Variants in COL21A1 observed in about 807,000 individuals in gnomAD.
The protein encoded by COL21A1 is collagen alpha-1(XXI) chain.
COL21A1 carries 149 observed loss-of-function variants against 137.9 expected under a neutral mutation model. That is an observed-to-expected ratio of 1.08 (90% CI 0.95 to 1.24). The LOEUF is 1.24. COL21A1 is among the 50% of genes most tolerant of loss of function. The pLI is 0.00. For missense variants in COL21A1, 1,167 were observed against 1,158.4 expected, an observed-to-expected ratio of 1.01 and a Z score of -0.11; for synonymous variants, 456 against 391.5, an observed-to-expected ratio of 1.16 and a Z score of -1.95.
intron 1 of COL21A1, among the ~76,000 whole-genome samples, chr6:56,204,625 G>A (rs1779637554): frequency 6.6e-6 from 1 of 152,130 alleles, no homozygotes; most frequent in Non-Finnish European, 1.5e-5. Flanking sequence ...CAGTGTACAA[G>A]CTCTGCTAAG....
At chr6:56,079,324 G>A (rs1767535548) in intron 17 of COL21A1, among the ~76,000 whole-genome samples, 1 of 151,734 alleles carries the variant, frequency 6.6e-6, no homozygotes. Flanking sequence ...ACCGATGACA[G>A]TGTCAGACCT....
At chr6:56,341,239 G>A (rs996372796) in intron 1 of COL21A1, among the ~76,000 whole-genome samples, 4 of 152,188 alleles carry the variant, frequency 2.6e-5, no homozygotes, top group East Asian at 1.9e-4. Flanking sequence ...TAATACATTT[G>A]TGGGAAACAG....
At chr6:56,356,193 G>A (rs1466213774) in intron 1 of COL21A1, among the ~76,000 whole-genome samples, 1 of 152,182 alleles carries the variant, frequency 6.6e-6, no homozygotes, top group Admixed American at 6.6e-5. Context: ...TAGGATGCCA[G>A]GCAGCTCATG....
intron 1 of COL21A1, among the ~76,000 whole-genome samples, chr6:56,328,093 T>C (rs1765137451): frequency 1.3e-5 from 2 of 152,090 alleles, no homozygotes; most frequent in Admixed American, 1.3e-4. Context: ...GGGCTCACAA[T>C]TTACCCTTAA....
intron 6 of COL21A1, 73 bp downstream of exon 6, chr6:56,168,051 G>A: frequency 9.8e-7 from 1 of 1,016,386 alleles, no homozygotes; most frequent in Admixed American, 3.1e-5. Flanking sequence ...GATTAAATGT[G>A]GTGAAAACTA....
rs1168595976 is a variant in COL21A1 at position 56,276,430 on chromosome 6, TA to T, written c.-38-93775del. On this transcript the variant is annotated intron_variant, in intron 1 of 28. Transcript: ENST00000370819. ...GTTTCCTGTTTTGATCTTTTTTTTT[TA>T]AAGTCAACAAAAGTCTTTCTTTCTA... 1.7e-5 allele frequency: 10 copies of T among 575,818 alleles called. 1 individual carries two copies. The highest frequency in any genetic ancestry group is 3.4e-5 in the Admixed American group (1 of 29,508). 35.7% of individuals were successfully genotyped at this position (575,818 alleles called of 1,614,324 possible). A position where few individuals can be genotyped will look rare whatever the true frequency, so the allele number is the denominator to read the frequency against.
intron 1 of COL21A1, among the ~76,000 whole-genome samples, chr6:56,316,813 T>C (rs1233822380): frequency 6.6e-6 from 1 of 152,074 alleles, no homozygotes; most frequent in East Asian, 1.9e-4. Flanking sequence ...AAAAAGGAAA[T>C]ATAGTTTTAT....
intron 17 of COL21A1, among the ~76,000 whole-genome samples, chr6:56,085,048 G>C (rs1768109302): frequency 6.6e-6 from 1 of 152,050 alleles, no homozygotes; most frequent in Admixed American, 6.6e-5. Context: ...TCACAGGAGA[G>C]CTAGGAATTC....
chr6:56,238,420 G>T (rs1252273853), intron 1 of COL21A1, among the ~76,000 whole-genome samples: 2 of 145,892 alleles, frequency 1.4e-5, no homozygotes, highest in Non-Finnish European at 3.0e-5. Flanking sequence ...GAAACTCGGG[G>T]CAGTCTTCTT....
At chr6:56,200,528 C>A (rs1779315248) in intron 1 of COL21A1, among the ~76,000 whole-genome samples, 2 of 144,168 alleles carry the variant, frequency 1.4e-5, no homozygotes, top group South Asian at 4.4e-4. Context: ...TGTTCAATTC[C>A]CACCTATGAG....
chr6:56,264,445 C>G (rs914369894), intron 1 of COL21A1, among the ~76,000 whole-genome samples: 4 of 152,132 alleles, frequency 2.6e-5, no homozygotes, highest in African/African-American at 4.8e-5. Context: ...GATGTTTATT[C>G]CTATCTACCC....
chr6:56,134,983 T>C (rs1329381075), intron 12 of COL21A1, among the ~76,000 whole-genome samples: 1 of 152,044 alleles, frequency 6.6e-6, no homozygotes, highest in Non-Finnish European at 1.5e-5. Flanking sequence ...CTAATACAAA[T>C]GCTTACCTAA....
rs547141947 is a variant in COL21A1, at chr6:56,320,627, C to T, written c.-39+73344G>A. Among the ~76,000 whole-genome samples, 3 of 152,170 alleles carry T rather than the reference C, an allele frequency of 2.0e-5. No individual in the cohort carries two copies. The East Asian group carries it at 5.8e-4, about 29-fold the overall frequency. Reference sequence around the variant, plus strand: ...GCCTTCTTGCTAATTCTCCAACTCACCAATCAGGGTCTGCCTAATAATTTC... The same window carrying T: ...GCCTTCTTGCTAATTCTCCAACTCATCAATCAGGGTCTGCCTAATAATTTC... On this transcript the variant is annotated intron_variant, in intron 1 of 28. Transcript: ENST00000370819.
chr6:56,262,040 A>G (rs1334790629), intron 1 of COL21A1, among the ~76,000 whole-genome samples: 1 of 152,234 alleles, frequency 6.6e-6, no homozygotes, highest in East Asian at 1.9e-4. Context: ...CAAAACTCAT[A>G]TATAAATAAC....
chr6:56,347,317 C>T (rs980152478), intron 1 of COL21A1, among the ~76,000 whole-genome samples: 2 of 152,002 alleles, frequency 1.3e-5, no homozygotes, highest in Admixed American at 1.3e-4. Context: ...TCCTACTGGC[C>T]CTTTCCCACC....
intron 3 of COL21A1, among the ~76,000 whole-genome samples, chr6:56,175,035 G>A (rs1323295451): frequency 6.6e-6 from 1 of 151,878 alleles, no homozygotes; most frequent in Non-Finnish European, 1.5e-5. Context: ...ACAGAATGAA[G>A]GAAAAGATAA....
intron 25 of COL21A1, 123 bp from the exon 26 acceptor site, chr6:56,061,160 G>GGA: frequency 1.3e-6 from 1 of 772,184 alleles, no homozygotes; most frequent in Non-Finnish European, 2.0e-6. Context: ...AGGTATGTAA[G>GGA]GAATAGCCGG....
chr6:56,131,743 G>C (rs1403898241), intron 12 of COL21A1, among the ~76,000 whole-genome samples: 1 of 151,986 alleles, frequency 6.6e-6, no homozygotes, highest in Non-Finnish European at 1.5e-5. Context: ...GGAATCAAAA[G>C]TCAAAAACAT....
At chr6:56,296,714 T>G (rs1764170107) in intron 1 of COL21A1, among the ~76,000 whole-genome samples, 1 of 151,934 alleles carries the variant, frequency 6.6e-6, no homozygotes, top group Non-Finnish European at 1.5e-5. Flanking sequence ...ATGGTGAGAT[T>G]GGAGGGGTTC....
Sources: allele counts gnomAD v4.1 joint callset (sites outside exome capture counted in the v4.1 genomes callset), GRCh38; gene constraint gnomAD v4.1.1; transcripts MANE v1.5; gene names NCBI Gene and HGNC (gene_info 2026-07-23, HGNC 2026-07-21).